HK1: variants seen among roughly 807,000 people sequenced by gnomAD.
HK1 encodes hexokinase 1, also known as hexokinase-1.
HK1 carries 28 observed loss-of-function variants against 91.6 expected under a neutral mutation model. The ratio of observed to expected loss-of-function variants is 0.31; its 90% CI spans 0.23 to 0.42. HK1 has a LOEUF of 0.42. HK1 is among the 10% of genes least tolerant of loss of function. The pLI is 1.00. For missense variants in HK1, 770 were observed against 1,219.8 expected, an observed-to-expected ratio of 0.63 and a Z score of 5.49; for synonymous variants, 430 against 468.1, an observed-to-expected ratio of 0.92 and a Z score of 1.05.
At chr10:69,298,547 A>G (rs1845686918) in intron 4 of HK1, among the ~76,000 whole-genome samples, 1 of 151,872 alleles carries the variant, frequency 6.6e-6, no homozygotes, top group African/African-American at 2.4e-5. Flanking sequence ...GAATTGCTTG[A>G]GTCCAAGAGT....
intron 1 of HK1, among the ~76,000 whole-genome samples, chr10:69,339,746 G>A (rs1013881817): frequency 2.6e-5 from 4 of 152,306 alleles, no homozygotes; most frequent in Middle Eastern, 3.4e-3. Flanking sequence ...CCTGTCCAGC[G>A]GGAAAACCCC....
chr10:69,303,463 T>C (rs1845973192), intron 5 of HK1, among the ~76,000 whole-genome samples: 1 of 151,548 alleles, frequency 6.6e-6, no homozygotes, highest in Admixed American at 6.6e-5. Context: ...ACCAGAGTTT[T>C]ATCATTACTC....
rs931757950 is a variant in HK1 at position 69,400,930 on chromosome 10, C to T, written c.2610-61C>T. ...GGGGCTGTCTGTGCTTTGGTGTTTTCGGGTAGGCCCAGCGTCTCTCATCTT... is the reference window on the plus strand; with the variant it reads ...GGGGCTGTCTGTGCTTTGGTGTTTTTGGGTAGGCCCAGCGTCTCTCATCTT... On this transcript the variant is annotated intron_variant, in intron 17 of 17. Coordinates refer to ENST00000359426, the MANE Select transcript of HK1 (RefSeq NM_000188.3). 15 of 1,588,394 alleles carry T rather than the reference C, an allele frequency of 9.4e-6. No individual in the cohort carries two copies. In the African/African-American group the frequency reaches 1.2e-4, roughly 13 times the overall value.
rs375514351 is a variant in HK1, at chr10:69,295,213, G to A, written c.-114-420G>A. On this transcript the variant is annotated intron_variant, in intron 3 of 21. Coordinates refer to the HK1 transcript ENST00000360289. Reference sequence around the variant, plus strand: ...GAGACACAGCGGGGCCTGCGGTTCAGTAGGGATTAGATGCCTGTGCTCCCA... The same window carrying A: ...GAGACACAGCGGGGCCTGCGGTTCAATAGGGATTAGATGCCTGTGCTCCCA... Among the ~76,000 whole-genome samples, 48 of 152,314 alleles carry A rather than the reference G, an allele frequency of 3.2e-4. No individual in the cohort carries two copies. In the South Asian group the frequency reaches 9.9e-3, roughly 32 times the overall value.
At chr10:69,294,732 G>A (rs1391467307) in intron 3 of HK1, among the ~76,000 whole-genome samples, 3 of 152,022 alleles carry the variant, frequency 2.0e-5, no homozygotes, top group Non-Finnish European at 4.4e-5. Context: ...TGTGGTGGCG[G>A]ATGCCTGTAA....
intron 1 of HK1, among the ~76,000 whole-genome samples, chr10:69,321,780 G>A (rs897759412): frequency 1.3e-5 from 2 of 152,288 alleles, no homozygotes; most frequent in African/African-American, 4.8e-5. Context: ...TCAGGTGTCT[G>A]ACTTCCCAGC....
Position 69,398,040 on chromosome 10 carries a change from G to T in HK1, c.2376-555G>T, listed in dbSNP as rs140762228. 1.6e-3 allele frequency among the ~76,000 whole-genome samples: 251 copies of T among 152,344 alleles called. 1 individual carries two copies. The highest frequency in any genetic ancestry group is 5.7e-3 in the African/African-American group (239 of 41,580). On this transcript the variant is annotated intron_variant, in intron 16 of 17. Transcript: ENST00000359426. The stretch of plus-strand genomic sequence containing the variant: ...ATCTGGCAATGTGTAGCAAAAGCTC[G>T]TTGACCCAGAAATTTATCCTAAGGA...
At chr10:69,370,868 T>C (rs148904785) in intron 7 of HK1, among the ~76,000 whole-genome samples, 2 of 152,296 alleles carry the variant, frequency 1.3e-5, no homozygotes, top group East Asian at 3.9e-4. Context: ...GAGCCACTTA[T>C]TTCCTGAAGT....
chr10:69,323,787 A>G (rs1847177426), intron 1 of HK1, among the ~76,000 whole-genome samples: 1 of 152,170 alleles, frequency 6.6e-6, no homozygotes, highest in Non-Finnish European at 1.5e-5. Flanking sequence ...AAGCTGTGCC[A>G]TGCTCCCACG....
chr10:69,331,516 T>G (rs1026303936), intron 1 of HK1, among the ~76,000 whole-genome samples: 25 of 152,240 alleles, frequency 1.6e-4, no homozygotes, highest in African/African-American at 6.0e-4. Flanking sequence ...CTGTGGCATA[T>G]AAACTCCACA....
At chr10:69,293,171 C>T (rs1003387552) in intron 3 of HK1, among the ~76,000 whole-genome samples, 10 of 152,188 alleles carry the variant, frequency 6.6e-5, no homozygotes, top group African/African-American at 2.2e-4. Context: ...TATGTGGGGA[C>T]GTTTATCAAC....
chr10:69,276,103 A>AT, intron 1 of HK1, among the ~76,000 whole-genome samples: 1 of 54,806 alleles, frequency 1.8e-5, no homozygotes, highest in African/African-American at 6.8e-5. Flanking sequence ...AAAAAAAAAA[A>AT]AAAAAAAAAA....
intron 1 of HK1, among the ~76,000 whole-genome samples, chr10:69,274,335 C>A (rs1333694931): frequency 6.6e-6 from 1 of 152,068 alleles, no homozygotes; most frequent in Non-Finnish European, 1.5e-5. Flanking sequence ...CAGTGGCTCA[C>A]GTTTCTAATC....
At position 69,343,848 on chromosome 10, in the gene HK1, A is replaced by T; in HGVS notation, c.85A>T (p.Met29Leu). 6.2e-7 allele frequency: 1 copy of T among 1,613,790 alleles called. No homozygotes were observed. Among genetic ancestry groups the T allele is most frequent in the Admixed American group, 1.7e-5 (1 of 60,002 alleles). Residue 29 changes from methionine (M) to leucine (L), a missense_variant, in exon 2 of 18, where the codon ATG becomes TTG. Met to Leu is a conservative substitution (Grantham distance 15). Around this residue, in one of 7 missense-constraint regions of HK1, gnomAD observed 449 missense variants for 665.1 expected, o/e 0.68. Coordinates refer to ENST00000359426, the MANE Select transcript of HK1 (RefSeq NM_000188.3). ...VKKIDKYLYA[M>L]RLSDETLIDI... ...CCAGATTGACAAGTATCTCTATGCCATGCGGCTCTCCGATGAAACTCTCAT... is the reference window on the plus strand; with the variant it reads ...CCAGATTGACAAGTATCTCTATGCCTTGCGGCTCTCCGATGAAACTCTCAT...
upstream of HK1, among the ~76,000 whole-genome samples, chr10:69,314,354 C>T (rs747122416): frequency 3.3e-5 from 5 of 152,190 alleles, no homozygotes; most frequent in Non-Finnish European, 5.9e-5. Context: ...TGGACATCAG[C>T]ATTTGTAGAA....
chr10:69,285,564 A>G (rs897727507), intron 2 of HK1, among the ~76,000 whole-genome samples: 6 of 152,188 alleles, frequency 3.9e-5, no homozygotes, highest in African/African-American at 1.2e-4. Flanking sequence ...ATGACACAAT[A>G]AACAAAGCAT....
At chr10:69,385,312 CAGAGG>C (rs1431764168) in intron 12 of HK1, among the ~76,000 whole-genome samples, 1 of 152,194 alleles carries the variant, frequency 6.6e-6, no homozygotes, top group Admixed American at 6.5e-5. Context: ...AGTGTCCAAT[CAGAGG>C]AGATAATAAA....
intron 4 of HK1, among the ~76,000 whole-genome samples, chr10:69,296,834 G>A (rs1845587324): frequency 6.6e-6 from 1 of 152,208 alleles, no homozygotes; most frequent in African/African-American, 2.4e-5. Flanking sequence ...TCTAGGCTGA[G>A]GAGTCCTGTG....
intron 1 of HK1, among the ~76,000 whole-genome samples, chr10:69,341,553 C>A (rs1848292442): frequency 6.6e-6 from 1 of 151,416 alleles, no homozygotes; most frequent in African/African-American, 2.4e-5. Context: ...CAGCCTCAAC[C>A]TCTTGGGCCC....
Sources: gnomAD v4.1 joint callset for allele counts (sites outside exome capture counted in the v4.1 genomes callset) on GRCh38, gnomAD v4.1.1 for gene constraint, gnomAD v4.1.1 regional missense constraint, MANE v1.5 for transcripts, NCBI Gene and HGNC (gene_info 2026-07-23, HGNC 2026-07-21) for gene names.